The following MTMR3 variants were observed in gnomAD, a reference collection of about 807,000 sequenced individuals.
MTMR3 encodes the protein myotubularin related protein 3, also known as phosphatidylinositol-3,5-bisphosphate 3-phosphatase MTMR3.
A neutral mutation model predicts 132.4 loss-of-function variants in MTMR3; 32 were observed. The ratio of observed to expected loss-of-function variants is 0.24; its 90% CI spans 0.18 to 0.32. The LOEUF is 0.32. Among genes scored for constraint, MTMR3 ranks in the 10% least tolerant of loss-of-function variants. MTMR3 has a pLI of 1.00. For missense variants in MTMR3, 1,216 were observed against 1,489.6 expected (o/e 0.82, Z 3.02); for synonymous variants, 556 against 550.3 (o/e 1.01, Z -0.14).
At chr22:29,887,473 A>C (rs1431088084) in intron 1 of MTMR3, among the ~76,000 whole-genome samples, 2 of 152,166 alleles carry the variant, frequency 1.3e-5, no homozygotes, top group African/African-American at 4.8e-5. Context: ...TGGTAAACCT[A>C]GTCTGTATTG....
At chr22:29,995,105 AC>A (rs1448726681) in intron 7 of MTMR3, 1 of 152,066 alleles carries the variant, frequency 6.6e-6, no homozygotes, top group Non-Finnish European at 1.5e-5. Context: ...TACCTCTCTA[AC>A]CTCTCTCATG....
rs1390117836 is a variant in MTMR3, at chr22:29,991,648, A to G, written c.438A>G (p.Gln146=). The G allele has an allele frequency of 1.2e-6, 2 of 1,612,970 alleles. No homozygotes were observed. The highest frequency in any genetic ancestry group is 2.2e-5 in the South Asian group (2 of 90,864). ...AGGTCTATGCCAGTGAAAAAGAGCA[A>G]CATGGAGACCTGTGCAGACCAGGTA... is the stretch of plus-strand genomic sequence containing the variant. The part of the protein sequence containing the change: ...CMEVYASEKE[Q]HGDLCRPGEH... Residue 146 remains glutamine (Q), a synonymous_variant, in exon 7 of 20, where the codon CAA becomes CAG. Transcript: ENST00000401950.
At chr22:29,959,567 C>T (rs569936314) in intron 2 of MTMR3, among the ~76,000 whole-genome samples, 2 of 151,704 alleles carry the variant, frequency 1.3e-5, no homozygotes, top group African/African-American at 4.8e-5. Context: ...TTAGTAGAGA[C>T]GGGGTTTCAC....
At chr22:29,980,085 G>A (rs2066710077) in intron 5 of MTMR3, 1 of 152,120 alleles carries the variant, frequency 6.6e-6, no homozygotes, top group Non-Finnish European at 1.5e-5. Context: ...ACAGAGAAGT[G>A]TATTATGACA....
intron 1 of MTMR3, among the ~76,000 whole-genome samples, chr22:29,910,061 G>C (rs1192248635): frequency 6.6e-6 from 1 of 152,014 alleles, no homozygotes; most frequent in Non-Finnish European, 1.5e-5. Flanking sequence ...CTACTCGGGA[G>C]GCTGAGGCAG....
intron 3 of MTMR3, among the ~76,000 whole-genome samples, chr22:29,975,771 A>C (rs753331626): frequency 6.6e-6 from 1 of 152,064 alleles, no homozygotes; most frequent in Admixed American, 6.6e-5. Flanking sequence ...GTGCCCATCT[A>C]GTTTCTCTAT....
chr22:29,998,095 A>C (rs921049849), intron 7 of MTMR3: 1 of 152,244 alleles, frequency 6.6e-6, no homozygotes, highest in South Asian at 2.1e-4. Flanking sequence ...GAAGTAGGCA[A>C]GTAGCCAGTG....
intron 14 of MTMR3, 47 bp downstream of exon 14, chr22:30,013,588 G>C (rs2067490292): frequency 6.4e-7 from 1 of 1,568,568 alleles, no homozygotes; most frequent in Non-Finnish European, 8.7e-7. Flanking sequence ...AGGAGGGTCA[G>C]TACAAATGTT....
chr22:29,898,502 A>C (rs1300103349), intron 1 of MTMR3, among the ~76,000 whole-genome samples: 1 of 152,158 alleles, frequency 6.6e-6, no homozygotes, highest in African/African-American at 2.4e-5. Context: ...GCTCGGGCTC[A>C]GTCCATCCTC....
At chr22:30,005,302 A>G (rs911500915) in intron 9 of MTMR3, 1 of 152,236 alleles carries the variant, frequency 6.6e-6, no homozygotes, top group Non-Finnish European at 1.5e-5. Context: ...TGTAGTCTGA[A>G]GCATTTTAGA....
intron 12 of MTMR3, chr22:30,011,013 A>C (rs1178543983): frequency 6.6e-6 from 1 of 152,186 alleles, no homozygotes; most frequent in African/African-American, 2.4e-5. Context: ...TGGTAGTCCA[A>C]ACAAATCCAT....
At chr22:29,893,186 G>T (rs1002982489) in intron 1 of MTMR3, among the ~76,000 whole-genome samples, 20 of 152,098 alleles carry the variant, frequency 1.3e-4, no homozygotes, top group Admixed American at 4.6e-4. Context: ...TATATTTTCC[G>T]TAGTGAGATT....
intron 3 of MTMR3, among the ~76,000 whole-genome samples, chr22:29,971,860 A>G (rs1463810382): frequency 6.6e-6 from 1 of 152,172 alleles, no homozygotes; most frequent in Non-Finnish European, 1.5e-5. Context: ...CCTCTGTAAT[A>G]TTGTCCTTCT....
At chr22:30,007,025 A>G (rs2067287175) in intron 9 of MTMR3, 89 bp from the exon 10 acceptor site, 1 of 1,366,220 alleles carries the variant, frequency 7.3e-7, no homozygotes, top group African/African-American at 1.4e-5. Context: ...CTAGAATTAG[A>G]CTGTTCATTA....
At chr22:29,967,684 T>C (rs2066455456) in intron 2 of MTMR3, among the ~76,000 whole-genome samples, 1 of 152,038 alleles carries the variant, frequency 6.6e-6, no homozygotes, top group African/African-American at 2.4e-5. Flanking sequence ...AAAGGTACCT[T>C]GTACCCATTA....
At chr22:29,969,650 C>T (rs528407844) in intron 2 of MTMR3, among the ~76,000 whole-genome samples, 144 of 152,128 alleles carry the variant, frequency 9.5e-4, no homozygotes, top group Non-Finnish European at 1.8e-3. Flanking sequence ...CCTGTCTTAG[C>T]CTCCCGAGTA....
At position 29,943,570 on chromosome 22, in the gene MTMR3, G is replaced by A. The variant is rs533863970; in HGVS notation, c.-137-13466G>A. Among the ~76,000 whole-genome samples, 3 of 152,218 alleles carry A rather than the reference G, an allele frequency of 2.0e-5. No individual in the cohort carries two copies. In the South Asian group the frequency reaches 6.2e-4, roughly 32 times the overall value. Reference sequence around the variant, plus strand: ...TAAGTTCATAGAAATTTTAGCTGAAGTTTTTGGAGAAGGTGTGTTGGGTAA... The same window carrying A: ...TAAGTTCATAGAAATTTTAGCTGAAATTTTTGGAGAAGGTGTGTTGGGTAA... On this transcript the variant is annotated intron_variant, in intron 1 of 19. Coordinates refer to ENST00000401950, the MANE Select transcript of MTMR3 (RefSeq NM_021090.4).
At chr22:30,003,116 G>C (rs2067208390) in intron 9 of MTMR3, 123 bp downstream of exon 9, 4 of 679,190 alleles carry the variant, frequency 5.9e-6, no homozygotes, top group Non-Finnish European at 1.0e-5. Flanking sequence ...TCTAGGCAAG[G>C]CTGTACTTCC....
At chr22:29,940,496 T>A (rs2065837703) in intron 1 of MTMR3, among the ~76,000 whole-genome samples, 1 of 150,042 alleles carries the variant, frequency 6.7e-6, no homozygotes, top group Admixed American at 6.6e-5. Flanking sequence ...TTTGGTGGAC[T>A]CTCTTCACAC....
Sources: allele counts gnomAD v4.1 joint callset (sites outside exome capture counted in the v4.1 genomes callset), GRCh38; gene constraint gnomAD v4.1.1; transcripts MANE v1.5; gene names NCBI Gene and HGNC (gene_info 2026-07-23, HGNC 2026-07-21).